The following CNOT6L variants were observed in gnomAD, a reference collection of about 807,000 sequenced individuals.
CNOT6L encodes CCR4-NOT transcription complex subunit 6-like.
In CNOT6L, 7 loss-of-function variants were observed where a neutral mutation model predicts 64.0. The ratio of observed to expected loss-of-function variants is 0.11; its 90% CI spans 0.06 to 0.21. The LOEUF is 0.21. Among genes scored for constraint, CNOT6L ranks in the 10% least tolerant of loss-of-function variants. The probability of loss-of-function intolerance (pLI) is 1.00; values close to 1 mark genes in which losing one functional copy is unlikely to be tolerated. For synonymous variants in CNOT6L, 193 were observed against 243.4 expected (o/e 0.79, Z 1.93); for missense variants, 245 against 669.0 (o/e 0.37, Z 6.99).
chr4:77,742,848 C>A (rs1056943804), intron 7 of CNOT6L, among the ~76,000 whole-genome samples: 1 of 151,956 alleles, frequency 6.6e-6, no homozygotes, highest in Non-Finnish European at 1.5e-5. Flanking sequence ...CTATTTTATT[C>A]TTTGACTCAT....
intron 10 of CNOT6L, among the ~76,000 whole-genome samples, chr4:77,728,493 T>C (rs1454561571): frequency 3.3e-5 from 5 of 152,228 alleles, no homozygotes; most frequent in African/African-American, 1.2e-4. Flanking sequence ...GACCGCTTCA[T>C]GCAATTCAAA....
chr4:77,725,877 A>T (rs1463082291), intron 11 of CNOT6L, among the ~76,000 whole-genome samples: 1 of 152,094 alleles, frequency 6.6e-6, no homozygotes, highest in African/African-American at 2.4e-5. Context: ...AACTATATTG[A>T]TATATACAAA....
intron 1 of CNOT6L, among the ~76,000 whole-genome samples, chr4:77,786,422 C>T (rs1460591415): frequency 2.6e-5 from 4 of 152,030 alleles, no homozygotes; most frequent in Non-Finnish European, 4.4e-5. Flanking sequence ...CAAGACCAGC[C>T]TGGTGGCACA....
At chr4:77,755,264 G>A (rs1414039497) in intron 5 of CNOT6L, among the ~76,000 whole-genome samples, 22 of 114,344 alleles carry the variant, frequency 1.9e-4, no homozygotes, top group Admixed American at 1.4e-3. Context: ...TTTTTGAGAC[G>A]GAGTCTCGCT....
intron 1 of CNOT6L, among the ~76,000 whole-genome samples, chr4:77,809,908 T>C (rs1220066580): frequency 6.6e-6 from 1 of 152,158 alleles, no homozygotes; most frequent in Non-Finnish European, 1.5e-5. Context: ...TTTCAATTGT[T>C]AATAAATGAA....
chr4:77,782,915 A>C (rs998485080), intron 1 of CNOT6L, among the ~76,000 whole-genome samples: 2 of 152,174 alleles, frequency 1.3e-5, no homozygotes, highest in Non-Finnish European at 1.5e-5. Context: ...TAGTAAGATC[A>C]TATTGACAAA....
At chr4:77,762,984 A>T (rs1726408199) in intron 4 of CNOT6L, among the ~76,000 whole-genome samples, 1 of 152,276 alleles carries the variant, frequency 6.6e-6, no homozygotes, top group South Asian at 2.1e-4. Context: ...AGTAATCTTT[A>T]AAAAAATATA....
intron 1 of CNOT6L, among the ~76,000 whole-genome samples, chr4:77,806,163 C>T (rs1173314802): frequency 6.6e-6 from 1 of 152,180 alleles, no homozygotes; most frequent in East Asian, 1.9e-4. Flanking sequence ...CAGTGACTCA[C>T]GCCTATAATC....
intron 7 of CNOT6L, among the ~76,000 whole-genome samples, chr4:77,744,380 T>C (rs377282893): frequency 1.1e-4 from 16 of 151,706 alleles, no homozygotes; most frequent in African/African-American, 3.9e-4. Context: ...CAATACAAGG[T>C]AAATTTATAT....
intron 1 of CNOT6L, among the ~76,000 whole-genome samples, chr4:77,791,171 G>C (rs956219761): frequency 6.6e-6 from 1 of 151,976 alleles, no homozygotes; most frequent in Non-Finnish European, 1.5e-5. Flanking sequence ...CCAGCTACTC[G>C]GGAAGCTGAG....
At chr4:77,808,372 G>A (rs556305286) in intron 1 of CNOT6L, among the ~76,000 whole-genome samples, 1 of 150,024 alleles carries the variant, frequency 6.7e-6, no homozygotes, top group East Asian at 2.0e-4. Context: ...TGAGGCAGGA[G>A]AATCGCTTGA....
At position 77,717,473 on chromosome 4, in the gene CNOT6L, T is replaced by TA. The variant is rs1346579963; in HGVS notation, c.*2957dup. On this transcript the variant is annotated 3_prime_UTR_variant, in exon 12 of 12. Transcript: ENST00000504123. Reference sequence around the variant, plus strand: ...TTTTAAAAAAACATGTATCACATTCTAAAAATGCCCAGATTTTCTTTTATC... The same window carrying TA: ...TTTTAAAAAAACATGTATCACATTCTAAAAAATGCCCAGATTTTCTTTTATC... The TA allele has an allele frequency of 1.3e-5, 2 of 152,492 alleles. No individual in the cohort carries two copies. Among genetic ancestry groups the TA allele is most frequent in the African/African-American group, 2.4e-5 (1 of 41,422 alleles). The allele number at this position is 152,492 out of a possible 1,614,324, so 9.4% of individuals were successfully genotyped here.
At position 77,735,096 on chromosome 4, in the gene CNOT6L, C is replaced by T. The variant is rs529135312; in HGVS notation, c.873-3558G>A. Among the ~76,000 whole-genome samples, 15 of 152,230 alleles carry T rather than the reference C, an allele frequency of 9.9e-5. No homozygotes were observed. In the South Asian group the frequency reaches 3.1e-3, roughly 32 times the overall value. ...ACATACTTCTAGGAGCACCACCATCCAATTAGAAATCGAAAGCAAAAGTTA... is the reference window on the plus strand; with the variant it reads ...ACATACTTCTAGGAGCACCACCATCTAATTAGAAATCGAAAGCAAAAGTTA... On this transcript the variant is annotated intron_variant, in intron 8 of 11. Transcript: ENST00000504123.
rs186600075 is a variant in CNOT6L at position 77,750,425 on chromosome 4, C to G, written c.491-2041G>C. Among the ~76,000 whole-genome samples, 1,186 of 152,254 alleles carry G rather than the reference C, an allele frequency of 7.8e-3. 9 individuals are homozygous for G. Among genetic ancestry groups the G allele is most frequent in the Non-Finnish European group, 0.013 (869 of 68,012 alleles). ...GGAGTGCAGTGGCGCCATCTCAGCT[C>G]ACTGCAAGTTCCGCCTCCCGGGTTC... On this transcript the variant is annotated intron_variant, in intron 5 of 11. Coordinates refer to ENST00000504123, the MANE Select transcript of CNOT6L (RefSeq NM_144571.3).
At chr4:77,818,062 G>C (rs1309605217) in intron 1 of CNOT6L, among the ~76,000 whole-genome samples, 4 of 152,212 alleles carry the variant, frequency 2.6e-5, no homozygotes, top group African/African-American at 9.6e-5. Flanking sequence ...CACATACTGA[G>C]TAGACAACAG....
At chr4:77,745,134 T>A (rs1421312923) in intron 6 of CNOT6L, among the ~76,000 whole-genome samples, 1 of 152,186 alleles carries the variant, frequency 6.6e-6, no homozygotes, top group Non-Finnish European at 1.5e-5. Flanking sequence ...TAATAAAAAA[T>A]TTAAATTTTA....
At chr4:77,725,931 T>A (rs1454369490) in intron 11 of CNOT6L, among the ~76,000 whole-genome samples, 1 of 151,750 alleles carries the variant, frequency 6.6e-6, no homozygotes, top group African/African-American at 2.4e-5. Context: ...TTTTAGAAGT[T>A]TTTGTTATTA....
chr4:77,760,448 A>T (rs1386542378), intron 4 of CNOT6L, among the ~76,000 whole-genome samples: 1 of 152,008 alleles, frequency 6.6e-6, no homozygotes, highest in Non-Finnish European at 1.5e-5. Context: ...TAGGATATGG[A>T]AAAACCAGTT....
At chr4:77,811,203 A>G (rs963359187) in intron 1 of CNOT6L, among the ~76,000 whole-genome samples, 2 of 152,234 alleles carry the variant, frequency 1.3e-5, no homozygotes, top group Non-Finnish European at 1.5e-5. Context: ...ACAGATCAGT[A>G]AAAGATTAAG....
Sources: allele counts gnomAD v4.1 joint callset (sites outside exome capture counted in the v4.1 genomes callset), GRCh38; gene constraint gnomAD v4.1.1; transcripts MANE v1.5; gene names NCBI Gene and HGNC (gene_info 2026-07-23, HGNC 2026-07-21).